Variants in AEBP2 observed in about 807,000 individuals in gnomAD.
AEBP2 encodes zinc finger protein AEBP2.
Under a neutral mutation model 50.8 loss-of-function variants are expected in AEBP2, and 10 were observed. The observed-to-expected ratio is 0.20, with a 90% CI of 0.12 to 0.33. The LOEUF (loss-of-function observed/expected upper bound fraction) is 0.33. AEBP2 is among the 10% of genes least tolerant of loss of function. The pLI, the probability that AEBP2 is intolerant of heterozygous loss-of-function variation, is 1.00. For missense variants in AEBP2, 570 were observed against 688.0 expected (o/e 0.83, Z 1.92); for synonymous variants, 296 against 261.3 (o/e 1.13, Z -1.28).
At chr12:19,490,507 G>C (rs1039150754) in intron 3 of AEBP2, among the ~76,000 whole-genome samples, 10 of 151,428 alleles carry the variant, frequency 6.6e-5, no homozygotes, top group Non-Finnish European at 1.3e-4. Context: ...CTTCCTGAGT[G>C]GCTGGGTTAC....
In AEBP2 at chr12:19,496,784, C is replaced by A. The variant is rs545007287; in HGVS notation, c.1174+2798C>A. ...TCAGGTGATTCTCCCACCTCAGCCT[C>A]CCAGGTAGCTTGGGCTACAGGCACA... On this transcript the variant is annotated intron_variant, in intron 4 of 7. Coordinates refer to ENST00000266508, the MANE Select transcript of AEBP2 (RefSeq NM_153207.5). Among the ~76,000 whole-genome samples the A allele has an allele frequency of 3.3e-5, 5 of 151,442 alleles. No individual in the cohort carries two copies. The South Asian group carries it at 8.3e-4, about 25-fold the overall frequency.
At chr12:19,445,410 C>T (rs536064943) in intron 1 of AEBP2, among the ~76,000 whole-genome samples, 3 of 147,982 alleles carry the variant, frequency 2.0e-5, no homozygotes, top group African/African-American at 7.5e-5. Context: ...GAGAGGGTTG[C>T]ACCATGTTGG....
At chr12:19,426,948 G>A (rs904655139) in intron 1 of AEBP2, among the ~76,000 whole-genome samples, 28 of 152,090 alleles carry the variant, frequency 1.8e-4, no homozygotes, top group Non-Finnish European at 2.9e-5. Flanking sequence ...CTGTGAGGAC[G>A]TTTCTGGAAG....
intron 2 of AEBP2, among the ~76,000 whole-genome samples, chr12:19,464,518 C>T (rs892329854): frequency 4.0e-5 from 6 of 151,896 alleles, no homozygotes; most frequent in South Asian, 4.2e-4. Context: ...TTCAGCCCTT[C>T]CCAGATTTGT....
intron 3 of AEBP2, among the ~76,000 whole-genome samples, chr12:19,487,348 G>T (rs761980684): frequency 2.0e-5 from 3 of 151,962 alleles, no homozygotes; most frequent in Non-Finnish European, 2.9e-5. Context: ...CTGTAGTTCA[G>T]TGATTATTTA....
rs897185364 is a variant in AEBP2, at chr12:19,489,661, G to T, written c.988-4139G>T. On this transcript the variant is annotated intron_variant, in intron 3 of 7. Coordinates refer to ENST00000266508, the MANE Select transcript of AEBP2 (RefSeq NM_153207.5). Reference sequence around the variant, plus strand: ...AAACTAAAACCATACTCAGCAACATGAAATGCTCATGTAAAGAGGATGGTA... The same window carrying T: ...AAACTAAAACCATACTCAGCAACATTAAATGCTCATGTAAAGAGGATGGTA... Among the ~76,000 whole-genome samples, 9 of 152,314 alleles carry T rather than the reference G, an allele frequency of 5.9e-5. 2 individuals carry two copies. Among genetic ancestry groups the T allele is most frequent in the Admixed American group, 5.2e-4 (8 of 15,298 alleles).
intron 5 of AEBP2, chr12:19,509,015 G>A (rs538964962): frequency 7.3e-6 from 4 of 544,718 alleles, no homozygotes; most frequent in African/African-American, 1.9e-5. Context: ...TACTAAGAAC[G>A]TTGGGAAAGC....
chr12:19,418,314 T>C (rs1335445879), intron 1 of AEBP2, among the ~76,000 whole-genome samples: 1 of 151,376 alleles, frequency 6.6e-6, no homozygotes, highest in African/African-American at 2.4e-5. Context: ...AGCCTCGACC[T>C]CCTGGGTTCA....
At position 19,473,650 on chromosome 12, in the gene AEBP2, C is replaced by G. The variant is rs370363610; in HGVS notation, c.987+295C>G. ...TGAACTCTTGACCTCAGGTGATTCT[C>G]CCGCCTTGGCCACCCAAAGTGCTGG... On this transcript the variant is annotated intron_variant, in intron 3 of 7. Coordinates refer to ENST00000266508, the MANE Select transcript of AEBP2 (RefSeq NM_153207.5). 6.6e-5 allele frequency among the ~76,000 whole-genome samples: 10 copies of G among 152,274 alleles called. No individual in the cohort carries two copies. The East Asian group carries it at 1.9e-3, about 29-fold the overall frequency.
At chr12:19,446,245 T>A (rs1424169594) in intron 1 of AEBP2, among the ~76,000 whole-genome samples, 1 of 152,246 alleles carries the variant, frequency 6.6e-6, no homozygotes, top group African/African-American at 2.4e-5. Context: ...CCTCAGATAC[T>A]TTGTTTTTAA....
At chr12:19,418,046 C>T (rs2095743572) in intron 1 of AEBP2, among the ~76,000 whole-genome samples, 1 of 152,062 alleles carries the variant, frequency 6.6e-6, no homozygotes, top group African/African-American at 2.4e-5. Flanking sequence ...CTTCCAGGCC[C>T]TCCCAATCCT....
intron 2 of AEBP2, among the ~76,000 whole-genome samples, chr12:19,469,172 C>T (rs377731364): frequency 5.3e-5 from 8 of 152,258 alleles, no homozygotes; most frequent in African/African-American, 1.9e-4. Context: ...GTGATCCACT[C>T]ACCTCGGCCT....
At chr12:19,504,976 A>T (rs752802218) in intron 5 of AEBP2, among the ~76,000 whole-genome samples, 2 of 152,228 alleles carry the variant, frequency 1.3e-5, no homozygotes, top group Non-Finnish European at 2.9e-5. Context: ...TTTTTCTGAG[A>T]TTGGAAGACA....
intron 5 of AEBP2, among the ~76,000 whole-genome samples, chr12:19,505,099 A>G (rs1181772328): frequency 6.6e-6 from 1 of 152,210 alleles, no homozygotes; most frequent in East Asian, 1.9e-4. Context: ...GGATTTGGAG[A>G]CCAGAAAGAG....
chr12:19,408,113 T>G (rs2095737309), intron 1 of AEBP2, among the ~76,000 whole-genome samples: 1 of 152,166 alleles, frequency 6.6e-6, no homozygotes, highest in African/African-American at 2.4e-5. Flanking sequence ...GCTGTTCTTT[T>G]TGTAAGGATT....
At chr12:19,424,303 T>C (rs533539997) in intron 1 of AEBP2, among the ~76,000 whole-genome samples, 1 of 152,258 alleles carries the variant, frequency 6.6e-6, no homozygotes, top group African/African-American at 2.4e-5. Flanking sequence ...AAGGAGCCAG[T>C]ACAGAGGACA....
chr12:19,409,711 C>A (rs2095738260), intron 1 of AEBP2, among the ~76,000 whole-genome samples: 1 of 152,138 alleles, frequency 6.6e-6, no homozygotes, highest in Admixed American at 6.6e-5. Context: ...AATTTATATA[C>A]CATTTGACCA....
At chr12:19,454,455 G>A (rs900919526) in intron 1 of AEBP2, among the ~76,000 whole-genome samples, 3 of 152,100 alleles carry the variant, frequency 2.0e-5, no homozygotes, top group Non-Finnish European at 4.4e-5. Flanking sequence ...TAAGGTATAC[G>A]ATTTGCAAGC....
intron 1 of AEBP2, 135 bp from the exon 2 acceptor site, chr12:19,462,375 C>A: frequency 2.8e-6 from 2 of 714,968 alleles, no homozygotes; most frequent in East Asian, 2.7e-5. Context: ...GTTGTTTTCT[C>A]ATGGAGAATA....
Sources: allele counts gnomAD v4.1 joint callset (sites outside exome capture counted in the v4.1 genomes callset), GRCh38; gene constraint gnomAD v4.1.1; transcripts MANE v1.5; gene names NCBI Gene and HGNC (gene_info 2026-07-23, HGNC 2026-07-21).